Variants in LRRC59 observed in about 807,000 individuals in gnomAD.
The protein encoded by LRRC59 is leucine-rich repeat-containing protein 59.
A neutral mutation model predicts 33.5 loss-of-function variants in LRRC59; 18 were observed. That is an observed-to-expected ratio of 0.54 (90% CI 0.37 to 0.80). LRRC59 has a LOEUF of 0.80. Among genes scored for constraint, LRRC59 ranks in the 30% least tolerant of loss-of-function variants. The probability of loss-of-function intolerance (pLI) is 0.00; values close to 1 mark genes in which losing one functional copy is unlikely to be tolerated. For missense variants in LRRC59, 330 were observed against 391.9 expected, an observed-to-expected ratio of 0.84 and a Z score of 1.33; for synonymous variants, 138 against 160.0, an observed-to-expected ratio of 0.86 and a Z score of 1.04.
At chr17:50,392,931 G>A (rs775620046) in intron 2 of LRRC59, 34 bp from the exon 3 acceptor site, 3 of 1,595,582 alleles carry the variant, frequency 1.9e-6, no homozygotes, top group Non-Finnish European at 2.6e-6. Context: ...AGCTAGGCTT[G>A]TCCAACACAC....
chr17:50,397,277 T>G lies in LRRC59; in HGVS notation c.41A>C (p.Lys14Thr). The G allele has an allele frequency of 1.2e-6, 2 of 1,610,328 alleles. No individual in the cohort carries two copies. The highest frequency in any genetic ancestry group is 1.7e-6 in the Non-Finnish European group (2 of 1,178,626). ...AGSKGGNLRD[K>T]LDGNELDLSL... ...CAGGTCCAGTTCGTTGCCGTCCAGC[T>G]TGTCGCGGAGGTTCCCGCCCTTGCT... Residue 14 changes from lysine (K) to threonine (T), a missense_variant, in exon 1 of 7, where the codon AAG (lysine) becomes ACG (threonine). Physicochemically the swap from Lys to Thr is moderately conservative, Grantham distance 78. Coordinates refer to ENST00000225972, the MANE Select transcript of LRRC59 (RefSeq NM_018509.4).
chr17:50,385,578 T>C (rs1368944365), intron 5 of LRRC59, among the ~76,000 whole-genome samples: 4 of 152,156 alleles, frequency 2.6e-5, no homozygotes, highest in African/African-American at 9.7e-5. Flanking sequence ...GCATGAGGGA[T>C]AAGTGGTGCT....
intron 5 of LRRC59, 61 bp downstream of exon 5, chr17:50,387,999 T>G: frequency 6.3e-3 from 9,372 of 1,499,452 alleles, no homozygotes; most frequent in Non-Finnish European, 8.0e-3. Context: ...TCCTGAAGCA[T>G]GAGAATCCAC....
chr17:50,394,915 C>A lies in LRRC59; in HGVS notation c.165+14G>T. ...AAGGCACCAGAAGGAGTCACGGCTG[C>A]ATGCCAATCTTACCGGTAGAGTAGT... is the stretch of plus-strand genomic sequence containing the variant. On this transcript the variant is annotated intron_variant, in intron 2 of 6. Transcript: ENST00000225972. 6.3e-7 allele frequency: 1 copy of A among 1,585,898 alleles called. No homozygotes were observed.
intron 4 of LRRC59, 108 bp from the exon 5 acceptor site, chr17:50,388,240 A>AG: frequency 1.0e-6 from 1 of 1,002,894 alleles, no homozygotes; most frequent in Non-Finnish European, 1.6e-6. Context: ...GTAGCAATGT[A>AG]GAACTAATAA....
chr17:50,383,091 T>G lies in LRRC59; in HGVS notation c.821A>C (p.Gln274Pro). Residue 274 changes from glutamine to proline, a missense_variant, in exon 7 of 7, where the codon CAG (glutamine) becomes CCG (proline). Coordinates refer to ENST00000225972, the MANE Select transcript of LRRC59 (RefSeq NM_018509.4). ...GGTGTTCACGCTGGTGCAGAGGGGC[T>G]GCTGCTGCAGCTCTGTCACCCGACA... ...VACRVTELQQ[Q>P]PLCTSVNTIY... The G allele has an allele frequency of 6.2e-7, 1 of 1,606,530 alleles. No homozygotes were observed. The highest frequency in any genetic ancestry group is 8.5e-7 in the Non-Finnish European group (1 of 1,177,874).
At chr17:50,393,101 A>C (rs917027) in intron 2 of LRRC59, among the ~76,000 whole-genome samples, 131,872 of 152,152 alleles carry the variant, frequency 0.87, 58,389 homozygotes, top group Middle Eastern at 0.94. Flanking sequence ...CAAGATTGGA[A>C]ACTCCTCATC....
intron 4 of LRRC59, among the ~76,000 whole-genome samples, chr17:50,391,023 A>G (rs1914132163): frequency 6.6e-6 from 1 of 152,208 alleles, no homozygotes; most frequent in Admixed American, 6.5e-5. Flanking sequence ...TGGATGGATG[A>G]ATGAAAGGTG....
In LRRC59 at chr17:50,397,334, C is replaced by T; in HGVS notation, c.-17G>A. The T allele has an allele frequency of 1.3e-6, 2 of 1,590,798 alleles. No individual in the cohort carries two copies. Among genetic ancestry groups the T allele is most frequent in the Non-Finnish European group, 1.7e-6 (2 of 1,167,046 alleles). On this transcript the variant is annotated 5_prime_UTR_variant, in exon 1 of 7. Coordinates refer to ENST00000225972, the MANE Select transcript of LRRC59 (RefSeq NM_018509.4). ...CTTGGTCATGGTAACGCCGGCTGAG[C>T]GGGCCCCGGCTCCGGGGTTCCGGCG... is the stretch of plus-strand genomic sequence containing the variant.
chr17:50,386,700 A>G (rs1914012592), intron 5 of LRRC59, among the ~76,000 whole-genome samples: 1 of 152,168 alleles, frequency 6.6e-6, no homozygotes, highest in Non-Finnish European at 1.5e-5. Flanking sequence ...GCCATGCGTA[A>G]TAAGGGATGG....
In LRRC59 at chr17:50,387,943, C is replaced by A. The variant is rs1003964375; in HGVS notation, c.502+117G>T. ...ACCATCCACCACAATACTGTCCCCCCACCGCCCACTAACTGTTCTTCATGA... is the reference window on the plus strand; with the variant it reads ...ACCATCCACCACAATACTGTCCCCCAACCGCCCACTAACTGTTCTTCATGA... On this transcript the variant is annotated intron_variant, in intron 5 of 6. Transcript: ENST00000225972. The A allele has an allele frequency of 1.3e-5, 12 of 951,782 alleles. No individual in the cohort carries two copies. In the African/African-American group the frequency reaches 1.4e-4, roughly 11 times the overall value. 59.0% of individuals were successfully genotyped at this position (951,782 alleles called of 1,614,324 possible). A position where few individuals can be genotyped will look rare whatever the true frequency, so the allele number is the denominator to read the frequency against.
At chr17:50,383,528 C>T (rs1023371070) in intron 6 of LRRC59, among the ~76,000 whole-genome samples, 3 of 152,096 alleles carry the variant, frequency 2.0e-5, no homozygotes, top group South Asian at 2.1e-4. Context: ...CTCTTGGGAT[C>T]GCAGAGGGAG....
Position 50,387,950 on chromosome 17 carries a change from C to A in LRRC59, c.502+110G>T, listed in dbSNP as rs973986058. 10 of 1,022,792 alleles carry A rather than the reference C, an allele frequency of 9.8e-6. No homozygotes were observed. In the African/African-American group the frequency reaches 1.4e-4, roughly 14 times the overall value. The allele number at this position is 1,022,792 out of a possible 1,614,324, so 63.4% of individuals were successfully genotyped here. On this transcript the variant is annotated intron_variant, in intron 5 of 6. Transcript: ENST00000225972. ...ACCACAATACTGTCCCCCCACCGCC[C>A]ACTAACTGTTCTTCATGACTACTCT...
At position 50,388,056 on chromosome 17, in the gene LRRC59, C is replaced by T; in HGVS notation, c.502+4G>A. 4 of 1,614,194 alleles carry T rather than the reference C, an allele frequency of 2.5e-6. No individual in the cohort carries two copies. The East Asian group carries it at 8.9e-5, about 36-fold the overall frequency. ...AGATAACTACAAGAGGGACAGCCAC[C>T]TACCACGTTCTACTTCCAGCCGCCG... On this transcript the variant is annotated splice_donor_region_variant and intron_variant, in intron 5 of 6. Coordinates refer to ENST00000225972, the MANE Select transcript of LRRC59 (RefSeq NM_018509.4).
At chr17:50,390,072 T>G (rs1274770610) in intron 4 of LRRC59, among the ~76,000 whole-genome samples, 1 of 136,700 alleles carries the variant, frequency 7.3e-6, no homozygotes, top group Non-Finnish European at 1.5e-5. Flanking sequence ...CACTCCAGCC[T>G]GGACGATAGA....
intron 4 of LRRC59, 53 bp downstream of exon 4, chr17:50,392,345 G>T: frequency 6.9e-7 from 1 of 1,453,406 alleles, no homozygotes; most frequent in Non-Finnish European, 9.6e-7. Flanking sequence ...ACAGGAGGAG[G>T]AGAAATCCCA....
chr17:50,383,655 A>G (rs1913928576), intron 6 of LRRC59, among the ~76,000 whole-genome samples: 1 of 152,098 alleles, frequency 6.6e-6, no homozygotes, highest in Non-Finnish European at 1.5e-5. Context: ...AGAAAGCCCA[A>G]AAGGTAATAC....
At chr17:50,395,636 C>G (rs765673934) in intron 1 of LRRC59, among the ~76,000 whole-genome samples, 1 of 152,098 alleles carries the variant, frequency 6.6e-6, no homozygotes, top group African/African-American at 2.4e-5. Flanking sequence ...AAGGCCCTGC[C>G]GGGTGCGGTG....
intron 2 of LRRC59, among the ~76,000 whole-genome samples, chr17:50,394,206 A>T (rs1168234436): frequency 6.6e-6 from 1 of 152,134 alleles, no homozygotes; most frequent in Admixed American, 6.5e-5. Flanking sequence ...CCAAATAGGA[A>T]GTCACCCTGG....
Sources: gnomAD v4.1 joint callset for allele counts (sites outside exome capture counted in the v4.1 genomes callset) on GRCh38, gnomAD v4.1.1 for gene constraint, MANE v1.5 for transcripts, NCBI Gene and HGNC (gene_info 2026-07-23, HGNC 2026-07-21) for gene names.